Variants in SYNPO2 observed in about 807,000 individuals in gnomAD.
SYNPO2 encodes the protein synaptopodin 2.
A neutral mutation model predicts 85.0 loss-of-function variants in SYNPO2; 56 were observed. The observed-to-expected ratio is 0.66, with a 90% confidence interval of 0.53 to 0.82. The LOEUF (loss-of-function observed/expected upper bound fraction) is 0.82, where lower values mean the gene tolerates loss of function less well. Among genes scored for constraint, SYNPO2 ranks in the 40% least tolerant of loss-of-function variants. The pLI, the probability that SYNPO2 is intolerant of heterozygous loss-of-function variation, is 0.00. For missense variants in SYNPO2, 1,575 were observed against 1,534.2 expected (o/e 1.03, Z -0.44); for synonymous variants, 602 against 591.1 (o/e 1.02, Z -0.27).
intron 1 of SYNPO2, among the ~76,000 whole-genome samples, chr4:118,878,651 C>T (rs1731974890): frequency 6.6e-6 from 1 of 152,084 alleles, no homozygotes; most frequent in African/African-American, 2.4e-5. Context: ...ATAAACGCAC[C>T]AATCAGCACT....
At chr4:118,874,235 A>G (rs1362393067) in intron 1 of SYNPO2, among the ~76,000 whole-genome samples, 1 of 152,218 alleles carries the variant, frequency 6.6e-6, no homozygotes, top group Non-Finnish European at 1.5e-5. Flanking sequence ...TTTATGTTTA[A>G]CATTATTAGC....
At chr4:118,905,493 C>T (rs531053821) in intron 1 of SYNPO2, among the ~76,000 whole-genome samples, 1 of 151,556 alleles carries the variant, frequency 6.6e-6, no homozygotes, top group African/African-American at 2.4e-5. Flanking sequence ...CACAGGAAGT[C>T]CGGCATAAAT....
intron 1 of SYNPO2, among the ~76,000 whole-genome samples, chr4:119,013,989 A>G (rs560316929): frequency 4.6e-5 from 7 of 152,318 alleles, no homozygotes; most frequent in South Asian, 4.1e-4. Flanking sequence ...CTATAAGACT[A>G]TCAATGTACT....
intron 1 of SYNPO2, among the ~76,000 whole-genome samples, chr4:118,947,512 G>A (rs2149140791): frequency 6.6e-6 from 1 of 152,274 alleles, no homozygotes; most frequent in Admixed American, 6.5e-5. Context: ...TTTGATTAAA[G>A]CCACCTGCAA....
At chr4:118,910,402 G>A (rs1277325041) in intron 1 of SYNPO2, among the ~76,000 whole-genome samples, 2 of 152,204 alleles carry the variant, frequency 1.3e-5, no homozygotes, top group Non-Finnish European at 1.5e-5. Flanking sequence ...TGAAGGAGGT[G>A]CGTTGCACCG....
intron 1 of SYNPO2, among the ~76,000 whole-genome samples, chr4:118,912,303 C>A (rs1302598670): frequency 1.3e-5 from 2 of 152,128 alleles, no homozygotes; most frequent in Non-Finnish European, 1.5e-5. Flanking sequence ...ATTTCAGCCT[C>A]CCCAGTAGCT....
chr4:118,857,318 C>T (rs991331619), intron 1 of SYNPO2, among the ~76,000 whole-genome samples: 1 of 152,008 alleles, frequency 6.6e-6, no homozygotes. Flanking sequence ...TAGGGCATAT[C>T]CAGCCACGTA....
At chr4:119,009,612 A>G (rs569692201) in intron 1 of SYNPO2, among the ~76,000 whole-genome samples, 303 of 152,266 alleles carry the variant, frequency 2.0e-3, no homozygotes, top group African/African-American at 6.9e-3. Flanking sequence ...TGTTCTGTCA[A>G]ATAATGGAAC....
rs115230770 is a variant in SYNPO2, at chr4:118,993,642, A to G, written c.106-29788A>G. On this transcript the variant is annotated intron_variant, in intron 1 of 4. Transcript: ENST00000307142. ...GTTTCTTAGACTACAGACTCCCATG[A>G]TGGAGGTTTTCCCCCTATATGACCT... 1.4e-3 allele frequency among the ~76,000 whole-genome samples: 217 copies of G among 152,278 alleles called. 1 individual carries two copies. Among genetic ancestry groups the G allele is most frequent in the African/African-American group, 4.9e-3 (204 of 41,556 alleles).
At chr4:119,005,233 T>G (rs1736988372) in intron 1 of SYNPO2, among the ~76,000 whole-genome samples, 1 of 152,220 alleles carries the variant, frequency 6.6e-6, no homozygotes. Context: ...TTAGTTTAAT[T>G]AGATCCCATT....
At chr4:118,967,929 G>A (rs1294611924) in intron 1 of SYNPO2, among the ~76,000 whole-genome samples, 1 of 151,096 alleles carries the variant, frequency 6.6e-6, no homozygotes, top group Non-Finnish European at 1.5e-5. Context: ...ATTAGAGAAT[G>A]TCATATAATG....
intron 1 of SYNPO2, among the ~76,000 whole-genome samples, chr4:118,920,101 A>G (rs1257227115): frequency 6.6e-6 from 1 of 152,208 alleles, no homozygotes. Flanking sequence ...CCATTGATGC[A>G]AAATAATTGG....
chr4:118,919,126 A>G (rs1276316249), intron 1 of SYNPO2, among the ~76,000 whole-genome samples: 1 of 152,200 alleles, frequency 6.6e-6, no homozygotes, highest in Non-Finnish European at 1.5e-5. Context: ...ATTCAAAAAT[A>G]CTCATTGAAT....
rs924659657 is a variant in SYNPO2, at chr4:118,894,465, C to A, written c.105+5324C>A. Among the ~76,000 whole-genome samples, 33 of 151,932 alleles carry A rather than the reference C, an allele frequency of 2.2e-4. 1 individual carries two copies. The highest frequency in any genetic ancestry group is 1.8e-3 in the Admixed American group (27 of 15,224). The stretch of plus-strand genomic sequence containing the variant: ...AAGAGGGGAGACTAGCAGTTTATTT[C>A]CTGGTAGCTTGTCTTCTCCATCCGT... On this transcript the variant is annotated intron_variant, in intron 1 of 4. Transcript: ENST00000307142.
Position 118,980,068 on chromosome 4 carries a change from G to T in SYNPO2, c.106-43362G>T, listed in dbSNP as rs191049632. On this transcript the variant is annotated intron_variant, in intron 1 of 4. Transcript: ENST00000307142. ...TTGGATACATTGCATAGTATATGCG[G>T]TTTTTAAGCTAACTTAAAGGGAAAG... Among the ~76,000 whole-genome samples the T allele has an allele frequency of 1.3e-3, 205 of 152,278 alleles. 2 individuals are homozygous for T. Among genetic ancestry groups the T allele is most frequent in the African/African-American group, 4.6e-3 (192 of 41,558 alleles).
intron 1 of SYNPO2, among the ~76,000 whole-genome samples, chr4:118,968,049 A>C (rs1196705721): frequency 1.3e-5 from 2 of 152,218 alleles, no homozygotes; most frequent in Non-Finnish European, 2.9e-5. Flanking sequence ...ATTGGTTTCC[A>C]AAGACTTGCT....
At chr4:118,930,300 T>C (rs1414182312) in intron 1 of SYNPO2, among the ~76,000 whole-genome samples, 4 of 152,296 alleles carry the variant, frequency 2.6e-5, no homozygotes, top group Admixed American at 2.6e-4. Flanking sequence ...TTAACATAAA[T>C]TTGATTCTGA....
intron 1 of SYNPO2, among the ~76,000 whole-genome samples, chr4:118,909,867 G>A (rs1038079486): frequency 3.0e-4 from 46 of 152,186 alleles, no homozygotes; most frequent in Admixed American, 3.0e-3. Context: ...ACATACCAAA[G>A]GTTATCTATA....
In SYNPO2 at chr4:119,026,691, A is replaced by T; in HGVS notation, c.322A>T (p.Thr108Ser). The T allele has an allele frequency of 1.2e-6, 2 of 1,613,654 alleles. No individual in the cohort carries two copies. The highest frequency in any genetic ancestry group is 1.7e-6 in the Non-Finnish European group (2 of 1,179,812). Reference sequence around the variant, plus strand: ...TGAAAACAAAAACCTCGAGCATCTCACACATGGGGGTTATGTGGAAAGTAC... The same window carrying T: ...TGAAAACAAAAACCTCGAGCATCTCTCACATGGGGGTTATGTGGAAAGTAC... ...ENENKNLEHL[T>S]HGGYVESTTL... Residue 108 changes from threonine to serine, a missense_variant, in exon 3 of 5, where the codon ACA (threonine) becomes TCA (serine). This residue lies in a region of SYNPO2 where 1,508 missense variants were observed against 1,446.8 expected (regional missense o/e 1.04). Transcript: ENST00000307142.
Sources: gnomAD v4.1 joint callset for allele counts (sites outside exome capture counted in the v4.1 genomes callset) on GRCh38, gnomAD v4.1.1 for gene constraint, gnomAD v4.1.1 regional missense constraint, MANE v1.5 for transcripts, NCBI Gene and HGNC (gene_info 2026-07-23, HGNC 2026-07-21) for gene names.